CDH13: variants seen among roughly 807,000 people sequenced by gnomAD.
The protein encoded by CDH13 is cadherin 13.
Under a neutral mutation model 63.8 loss-of-function variants are expected in CDH13, and 24 were observed. The ratio of observed to expected loss-of-function variants is 0.38; its 90% CI spans 0.27 to 0.53. CDH13 has a LOEUF of 0.53. Among genes scored for constraint, CDH13 ranks in the 20% least tolerant of loss-of-function variants. The pLI, the probability that CDH13 is intolerant of heterozygous loss-of-function variation, is 0.85. For synonymous variants in CDH13, 503 were observed against 355.3 expected (o/e 1.42, Z -4.67); for missense variants, 1,049 against 903.1 (o/e 1.16, Z -2.07).
chr16:83,378,045 C>T (rs989022645), intron 6 of CDH13, among the ~76,000 whole-genome samples: 1 of 152,114 alleles, frequency 6.6e-6, no homozygotes, highest in African/African-American at 2.4e-5. Flanking sequence ...CTCTCAGTAC[C>T]CTTTGGACCC....
At chr16:83,039,751 C>A (rs1917175596) in intron 3 of CDH13, among the ~76,000 whole-genome samples, 1 of 152,098 alleles carries the variant, frequency 6.6e-6, no homozygotes, top group African/African-American at 2.4e-5. Context: ...ATTGAACTCT[C>A]CCTCCTTCAA....
chr16:83,286,627 G>A (rs1185120883), intron 5 of CDH13, among the ~76,000 whole-genome samples: 2 of 151,920 alleles, frequency 1.3e-5, no homozygotes, highest in African/African-American at 4.8e-5. Flanking sequence ...ATGGCAGCAT[G>A]CGCTGGTAGT....
At chr16:82,914,508 C>A (rs967667205) in intron 2 of CDH13, among the ~76,000 whole-genome samples, 1 of 152,122 alleles carries the variant, frequency 6.6e-6, no homozygotes, top group East Asian at 1.9e-4. Context: ...GATTCCTGAC[C>A]ATCTTCTAAC....
At chr16:82,884,304 G>C in intron 2 of CDH13, 1 of 432,012 alleles carries the variant, frequency 2.3e-6, no homozygotes, top group South Asian at 1.6e-5. Context: ...GCATGCTATT[G>C]AGAAAAGGAG....
intron 1 of CDH13, among the ~76,000 whole-genome samples, chr16:82,689,982 TAAAAAAAAAAAAAAA>T (rs71146085): frequency 1.1e-3 from 17 of 15,778 alleles, no homozygotes; most frequent in South Asian, 0.013. Context: ...CCATCTCTAC[TAAAAAAAAAAAAAAA>T]AAAAAAAAAA....
At chr16:83,034,946 A>G (rs899467326) in intron 3 of CDH13, among the ~76,000 whole-genome samples, 1 of 152,084 alleles carries the variant, frequency 6.6e-6, no homozygotes, top group Non-Finnish European at 1.5e-5. Flanking sequence ...CTTCTTATAA[A>G]GGGGGCGGAG....
At chr16:82,997,051 T>C (rs1912308098) in intron 2 of CDH13, among the ~76,000 whole-genome samples, 2 of 122,848 alleles carry the variant, frequency 1.6e-5, no homozygotes, top group Admixed American at 7.6e-5. Context: ...ATGATGATGA[T>C]GATAGTGATG....
chr16:83,519,435 C>G (rs929660885), intron 7 of CDH13, among the ~76,000 whole-genome samples: 3 of 152,310 alleles, frequency 2.0e-5, no homozygotes, highest in African/African-American at 7.2e-5. Flanking sequence ...GAAAAAGAAA[C>G]AAATACTTCA....
intron 2 of CDH13, among the ~76,000 whole-genome samples, chr16:83,000,987 A>G (rs988440314): frequency 1.3e-5 from 2 of 152,054 alleles, no homozygotes; most frequent in African/African-American, 4.8e-5. Flanking sequence ...ACCCCTTCCA[A>G]ACCTCAGCTG....
At position 83,800,243 on chromosome 16, in the gene CDH13, C is replaced by G. The variant is rs886588941; in HGVS notation, c.*5213C>G. ...AAGCACTATGAAAATAAACTGGAGA[C>G]TATTTTTTTGCTACTTTTTAAAAAG... On this transcript the variant is annotated 3_prime_UTR_variant, in exon 14 of 14. Coordinates refer to ENST00000567109, the MANE Select transcript of CDH13 (RefSeq NM_001257.5). The G allele has an allele frequency of 3.9e-5, 6 of 152,118 alleles. No homozygotes were observed. The highest frequency in any genetic ancestry group is 6.5e-5 in the Admixed American group (1 of 15,276). The allele number at this position is 152,118 out of a possible 1,614,324, so 9.4% of individuals were successfully genotyped here. A position where few individuals can be genotyped will look rare whatever the true frequency, so the allele number is the denominator to read the frequency against.
chr16:82,813,612 G>C (rs2037557454), intron 1 of CDH13, among the ~76,000 whole-genome samples: 1 of 152,122 alleles, frequency 6.6e-6, no homozygotes, highest in Admixed American at 6.5e-5. Flanking sequence ...CACTCGCTGT[G>C]TGTCTGTGGC....
intron 8 of CDH13, among the ~76,000 whole-genome samples, chr16:83,652,864 G>A (rs1469950294): frequency 6.6e-6 from 1 of 152,182 alleles, no homozygotes; most frequent in Non-Finnish European, 1.5e-5. Context: ...ATTCACAGCA[G>A]CATTATTCCC....
intron 2 of CDH13, among the ~76,000 whole-genome samples, chr16:82,865,867 C>T (rs1370395809): frequency 2.0e-5 from 3 of 152,178 alleles, no homozygotes; most frequent in Admixed American, 1.3e-4. Context: ...TGCTGTGCTT[C>T]CCTTTTAAAT....
intron 2 of CDH13, among the ~76,000 whole-genome samples, chr16:82,881,490 T>A (rs1478031068): frequency 1.3e-5 from 2 of 152,106 alleles, no homozygotes; most frequent in East Asian, 3.9e-4. Flanking sequence ...TCCATTACAA[T>A]CTGTTTTTGG....
intron 6 of CDH13, among the ~76,000 whole-genome samples, chr16:83,459,501 G>A (rs1292916497): frequency 6.6e-6 from 1 of 152,018 alleles, no homozygotes; most frequent in Non-Finnish European, 1.5e-5. Context: ...GCTTATAAAC[G>A]GGTGAAACTA....
intron 4 of CDH13, among the ~76,000 whole-genome samples, chr16:83,156,258 C>T (rs2037202646): frequency 6.6e-6 from 1 of 152,200 alleles, no homozygotes; most frequent in Non-Finnish European, 1.5e-5. Context: ...CTCTTTTCAT[C>T]TCTCTTTGTT....
chr16:82,937,916 T>TA (rs1340722736), intron 2 of CDH13, among the ~76,000 whole-genome samples: 2 of 152,318 alleles, frequency 1.3e-5, no homozygotes, highest in African/African-American at 4.8e-5. Flanking sequence ...ACGTATAATA[T>TA]AAAAGGACAG....
intron 1 of CDH13, among the ~76,000 whole-genome samples, chr16:82,650,983 T>C (rs1910656726): frequency 6.6e-6 from 1 of 152,208 alleles, no homozygotes; most frequent in Admixed American, 6.5e-5. Context: ...GTGTTAATCT[T>C]ATCTGGCAGC....
chr16:83,447,654 C>G (rs144880930), intron 6 of CDH13, among the ~76,000 whole-genome samples: 1 of 151,820 alleles, frequency 6.6e-6, no homozygotes. Flanking sequence ...TGAAATAAAC[C>G]AAGTGTGAGA....
Sources: gnomAD v4.1 joint callset for allele counts (sites outside exome capture counted in the v4.1 genomes callset) on GRCh38, gnomAD v4.1.1 for gene constraint, MANE v1.5 for transcripts, NCBI Gene and HGNC (gene_info 2026-07-23, HGNC 2026-07-21) for gene names.